The following SDK1 variants were observed in gnomAD, a reference collection of about 807,000 sequenced individuals.
The protein encoded by SDK1 is sidekick cell adhesion molecule 1, also known as protein sidekick-1.
SDK1 carries 157 observed loss-of-function variants against 245.5 expected under a neutral mutation model. The observed-to-expected ratio is 0.64, with a 90% CI of 0.56 to 0.73. The LOEUF is 0.73. Among genes scored for constraint, SDK1 ranks in the 30% least tolerant of loss-of-function variants. SDK1 has a pLI of 0.00. For synonymous variants in SDK1, 1,647 were observed against 1,278.5 expected, an observed-to-expected ratio of 1.29 and a Z score of -6.15; for missense variants, 3,583 against 3,002.3, an observed-to-expected ratio of 1.19 and a Z score of -4.52.
chr7:4,175,399 C>A (rs533808259), intron 33 of SDK1, among the ~76,000 whole-genome samples: 7 of 152,226 alleles, frequency 4.6e-5, no homozygotes, highest in Admixed American at 2.0e-4. Flanking sequence ...TTGCTCGGCT[C>A]CTCCAGCCGG....
intron 35 of SDK1, among the ~76,000 whole-genome samples, chr7:4,183,189 G>T (rs964822213): frequency 3.9e-5 from 6 of 152,148 alleles, no homozygotes; most frequent in African/African-American, 1.4e-4. Flanking sequence ...TCCAGATGGG[G>T]TCAGTCCATT....
Position 4,101,212 on chromosome 7 carries a change from G to A in SDK1, c.3325-9451G>A, listed in dbSNP as rs905296688. On this transcript the variant is annotated intron_variant, in intron 22 of 44. Coordinates refer to ENST00000404826, the MANE Select transcript of SDK1 (RefSeq NM_152744.4). ...CACCCAGGCTGGAGTGCAGTGGTGC[G>A]ATCTCGGCAAGCTCCGCCTCCCGGG... 1.3e-4 allele frequency among the ~76,000 whole-genome samples: 19 copies of A among 150,968 alleles called. No homozygotes were observed. In the East Asian group the frequency reaches 2.4e-3, roughly 19 times the overall value.
intron 4 of SDK1, among the ~76,000 whole-genome samples, chr7:3,808,555 G>A (rs1018753821): frequency 6.6e-6 from 1 of 152,176 alleles, no homozygotes; most frequent in Non-Finnish European, 1.5e-5. Flanking sequence ...AGGCAGAAGA[G>A]ACATGTGTGT....
At chr7:3,523,185 C>T (rs1305003403) in intron 1 of SDK1, among the ~76,000 whole-genome samples, 1 of 152,122 alleles carries the variant, frequency 6.6e-6, no homozygotes, top group Non-Finnish European at 1.5e-5. Flanking sequence ...ACACTATATG[C>T]AATTGACCTG....
intron 44 of SDK1, among the ~76,000 whole-genome samples, chr7:4,252,214 C>A (rs190095535): frequency 1.5e-3 from 221 of 146,820 alleles, no homozygotes; most frequent in Non-Finnish European, 2.1e-3. Context: ...CACCTCCCCC[C>A]ACCCCACAAC....
At chr7:3,649,940 T>A (rs2614956) in intron 4 of SDK1, among the ~76,000 whole-genome samples, 4 of 151,446 alleles carry the variant, frequency 2.6e-5, no homozygotes, top group Non-Finnish European at 5.9e-5. Context: ...CTGTATCCCC[T>A]GAATCTGGGA....
intron 4 of SDK1, among the ~76,000 whole-genome samples, chr7:3,758,527 C>CTAATAGATTTAATTTGTAGGTCAA (rs1181669498): frequency 6.6e-6 from 1 of 152,106 alleles, no homozygotes; most frequent in East Asian, 1.9e-4. Context: ...TTGTACCAAC[C>CTAATAGATTTAATTTGTAGGTCAA]TAATAGATTT....
chr7:3,944,949 A>G (rs1304623898), intron 5 of SDK1, among the ~76,000 whole-genome samples: 1 of 152,140 alleles, frequency 6.6e-6, no homozygotes, highest in African/African-American at 2.4e-5. Context: ...ACTAGCATGG[A>G]GGGGGAGCCA....
At chr7:4,144,456 G>A (rs1281722075) in intron 28 of SDK1, among the ~76,000 whole-genome samples, 1 of 40,378 alleles carries the variant, frequency 2.5e-5, no homozygotes, top group Non-Finnish European at 6.0e-5. Context: ...CGGTGATGAC[G>A]GTGCTGATGG....
intron 5 of SDK1, among the ~76,000 whole-genome samples, chr7:3,868,159 A>G (rs2115128868): frequency 6.6e-6 from 1 of 152,348 alleles, no homozygotes; most frequent in East Asian, 1.9e-4. Context: ...AGCCTTACAA[A>G]TTGGGAAGAA....
intron 5 of SDK1, among the ~76,000 whole-genome samples, chr7:3,922,580 A>G (rs866468494): frequency 3.3e-5 from 5 of 152,214 alleles, no homozygotes; most frequent in Non-Finnish European, 7.3e-5. Flanking sequence ...CGTAGATGTT[A>G]CTTCATTCTG....
At chr7:3,586,104 G>A (rs1407671788) in intron 1 of SDK1, among the ~76,000 whole-genome samples, 3 of 152,236 alleles carry the variant, frequency 2.0e-5, no homozygotes, top group African/African-American at 7.2e-5. Flanking sequence ...AAGCAGGGAG[G>A]TGTGTAGAGT....
intron 1 of SDK1, among the ~76,000 whole-genome samples, chr7:3,483,202 T>C (rs1221475167): frequency 6.6e-6 from 1 of 152,234 alleles, no homozygotes; most frequent in Non-Finnish European, 1.5e-5. Flanking sequence ...AACTGACATC[T>C]TTACAGTATT....
chr7:3,791,778 G>A (rs575483075), intron 4 of SDK1, among the ~76,000 whole-genome samples: 1 of 152,036 alleles, frequency 6.6e-6, no homozygotes, highest in African/African-American at 2.4e-5. Context: ...TTCTTTTCTG[G>A]GTCTTTTGGC....
At chr7:4,135,049 A>G (rs1186218679) in intron 28 of SDK1, among the ~76,000 whole-genome samples, 3 of 152,138 alleles carry the variant, frequency 2.0e-5, no homozygotes, top group African/African-American at 7.2e-5. Flanking sequence ...CTACCTGGTG[A>G]GGCTTCTCCT....
rs182937639 is a variant in SDK1, at chr7:3,351,755, A to C, written c.298+49871A>C. Among the ~76,000 whole-genome samples the C allele has an allele frequency of 5.9e-4, 90 of 152,308 alleles. 1 individual carries two copies. Among genetic ancestry groups the C allele is most frequent in the Non-Finnish European group, 1.2e-3 (80 of 68,012 alleles). ...TACATATTATATAAAGCAAAAATAT[A>C]CAGAAACAAGAAAAATAGCTGAATG... On this transcript the variant is annotated intron_variant, in intron 1 of 44. Transcript: ENST00000404826.
At chr7:3,491,770 A>G (rs1193568557) in intron 1 of SDK1, among the ~76,000 whole-genome samples, 1 of 152,264 alleles carries the variant, frequency 6.6e-6, no homozygotes. Context: ...CAATAAATAC[A>G]AATTTCGTTG....
chr7:3,501,092 A>G (rs1303244737), intron 1 of SDK1, among the ~76,000 whole-genome samples: 1 of 152,200 alleles, frequency 6.6e-6, no homozygotes, highest in Non-Finnish European at 1.5e-5. Context: ...ATATGTGCTT[A>G]TAATGCAAAG....
At position 3,999,055 on chromosome 7, in the gene SDK1, CA is replaced by C. The variant is rs1392961129; in HGVS notation, c.2131+11735del. ...TTTGTATGTATGTCATTGTATCACC[CA>C]ATTTTATGCAGATTTTCACTTTAGA... On this transcript the variant is annotated intron_variant, in intron 14 of 44. Coordinates refer to ENST00000404826, the MANE Select transcript of SDK1 (RefSeq NM_152744.4). 3.3e-5 allele frequency among the ~76,000 whole-genome samples: 5 copies of C among 152,118 alleles called. 1 individual carries two copies. In the South Asian group the frequency reaches 1.0e-3, roughly 32 times the overall value.
Sources: gnomAD v4.1 joint callset for allele counts (sites outside exome capture counted in the v4.1 genomes callset) on GRCh38, gnomAD v4.1.1 for gene constraint, MANE v1.5 for transcripts, NCBI Gene and HGNC (gene_info 2026-07-23, HGNC 2026-07-21) for gene names.